Variants in CYTH1 observed in about 807,000 individuals in gnomAD.
The protein encoded by CYTH1 is cytohesin-1.
In CYTH1, 18 loss-of-function variants were observed where a neutral mutation model predicts 61.8. That is an observed-to-expected ratio of 0.29 (90% CI 0.20 to 0.43). The LOEUF (loss-of-function observed/expected upper bound fraction) is 0.43, where lower values mean the gene tolerates loss of function less well. Among genes scored for constraint, CYTH1 ranks in the 20% least tolerant of loss-of-function variants. The pLI is 1.00. For synonymous variants in CYTH1, 174 were observed against 184.3 expected (o/e 0.94, Z 0.45); for missense variants, 336 against 510.5 (o/e 0.66, Z 3.29).
intron 1 of CYTH1, among the ~76,000 whole-genome samples, chr17:78,780,878 G>A (rs1471622158): frequency 6.6e-6 from 1 of 151,974 alleles, no homozygotes. Flanking sequence ...GTGGTGGCAC[G>A]CGCCTGTAGT....
At chr17:78,770,075 G>A (rs2093464430) in intron 1 of CYTH1, among the ~76,000 whole-genome samples, 1 of 151,952 alleles carries the variant, frequency 6.6e-6, no homozygotes, top group South Asian at 2.1e-4. Flanking sequence ...ACCTAAGCCA[G>A]GGAGTCAGAG....
intron 1 of CYTH1, among the ~76,000 whole-genome samples, chr17:78,770,109 C>T (rs2093464639): frequency 6.6e-6 from 1 of 151,128 alleles, no homozygotes; most frequent in Admixed American, 6.6e-5. Flanking sequence ...GAGATCGCAC[C>T]ACTGCACTCC....
Position 78,751,473 on chromosome 17 carries a change from A to C in CYTH1, c.22+30729T>G, listed in dbSNP as rs569958321. On this transcript the variant is annotated intron_variant, in intron 1 of 13. Coordinates refer to ENST00000446868, the MANE Select transcript of CYTH1 (RefSeq NM_004762.6). The stretch of plus-strand genomic sequence containing the variant: ...AAGTCACCAGCAAAGGCACAAAAAT[A>C]CAAAAAAAAAAAAATGTAATGCTAA... Among the ~76,000 whole-genome samples, 452 of 108,422 alleles carry C rather than the reference A, an allele frequency of 4.2e-3. 2 individuals carry two copies. Among genetic ancestry groups the C allele is most frequent in the Middle Eastern group, 0.018 (4 of 226 alleles). 71.1% of individuals were successfully genotyped at this position (108,422 alleles called of 152,430 possible).
intron 11 of CYTH1, among the ~76,000 whole-genome samples, chr17:78,684,652 T>G (rs1380142720): frequency 6.6e-6 from 1 of 152,206 alleles, no homozygotes; most frequent in African/African-American, 2.4e-5. Flanking sequence ...ACTCCTAAAT[T>G]ATCATTGCTG....
chr17:78,729,866 G>A (rs778569001), intron 1 of CYTH1, among the ~76,000 whole-genome samples: 6 of 152,172 alleles, frequency 3.9e-5, no homozygotes, highest in Non-Finnish European at 5.9e-5. Flanking sequence ...ACTGCTAGCA[G>A]GAATCACCTT....
chr17:78,694,722 G>A (rs1054926773), intron 10 of CYTH1, among the ~76,000 whole-genome samples: 3 of 152,094 alleles, frequency 2.0e-5, no homozygotes, highest in Non-Finnish European at 4.4e-5. Flanking sequence ...TGGAAAAAGC[G>A]AGTCAGATGC....
At chr17:78,764,922 G>A (rs1311080622) in intron 1 of CYTH1, among the ~76,000 whole-genome samples, 1 of 151,994 alleles carries the variant, frequency 6.6e-6, no homozygotes, top group African/African-American at 2.4e-5. Flanking sequence ...TAGGTTCCCG[G>A]GGGATGAGCA....
At chr17:78,705,477 C>T (rs940551651) in intron 3 of CYTH1, among the ~76,000 whole-genome samples, 1 of 152,128 alleles carries the variant, frequency 6.6e-6, no homozygotes, top group Non-Finnish European at 1.5e-5. Context: ...AGTTAACTGA[C>T]GCGTATACAT....
chr17:78,716,340 A>T (rs1302929647), intron 1 of CYTH1, among the ~76,000 whole-genome samples: 1 of 152,232 alleles, frequency 6.6e-6, no homozygotes, highest in South Asian at 2.1e-4. Flanking sequence ...ATGTACTATG[A>T]CAATTTGAAA....
chr17:78,712,149 G>A, intron 1 of CYTH1, among the ~76,000 whole-genome samples: 1 of 78,268 alleles, frequency 1.3e-5, no homozygotes, highest in Non-Finnish European at 2.7e-5. Flanking sequence ...AGGGAAGGAG[G>A]AAGGAAGGGA....
intron 11 of CYTH1, among the ~76,000 whole-genome samples, chr17:78,691,065 GCTTT>G (rs772241024): frequency 1.4e-4 from 21 of 152,202 alleles, no homozygotes; most frequent in Non-Finnish European, 2.4e-4. Flanking sequence ...GCAGAAAGCA[GCTTT>G]CTTTTTATTA....
At chr17:78,725,175 A>G (rs1456358170) in intron 1 of CYTH1, among the ~76,000 whole-genome samples, 1 of 151,990 alleles carries the variant, frequency 6.6e-6, no homozygotes, top group African/African-American at 2.4e-5. Context: ...TCTTGTTCAG[A>G]AGCTCATCCT....
chr17:78,777,639 A>C (rs1024070012), intron 1 of CYTH1, among the ~76,000 whole-genome samples: 2 of 151,970 alleles, frequency 1.3e-5, no homozygotes, highest in Admixed American at 6.6e-5. Context: ...CTATGTTCCA[A>C]AAGTTTTTTA....
chr17:78,731,479 G>T (rs566138159), intron 1 of CYTH1, among the ~76,000 whole-genome samples: 51 of 152,238 alleles, frequency 3.4e-4, no homozygotes, highest in African/African-American at 1.1e-3. Context: ...AGGAAATCTC[G>T]TCGGGCGCGG....
At chr17:78,692,294 C>T in intron 11 of CYTH1, 123 bp downstream of exon 11, 2 of 983,704 alleles carry the variant, frequency 2.0e-6, no homozygotes, top group Non-Finnish European at 3.2e-6. Flanking sequence ...TTAAACTCTC[C>T]CCCATCCCCC....
At chr17:78,744,637 C>G (rs1175255932) in intron 1 of CYTH1, among the ~76,000 whole-genome samples, 1 of 151,894 alleles carries the variant, frequency 6.6e-6, no homozygotes, top group Non-Finnish European at 1.5e-5. Context: ...TCTATTAGAC[C>G]TTGGGGGAAA....
chr17:78,739,514 T>C (rs1272638561), intron 1 of CYTH1, among the ~76,000 whole-genome samples: 2 of 151,858 alleles, frequency 1.3e-5, no homozygotes, highest in Admixed American at 6.6e-5. Context: ...GGAAGAACAG[T>C]GTAGGGAGGA....
chr17:78,718,301 A>C lies in CYTH1; in HGVS notation c.23-8569T>G, dbSNP rs914238094. Among the ~76,000 whole-genome samples the C allele has an allele frequency of 4.0e-5, 6 of 151,638 alleles. No homozygotes were observed. In the East Asian group the frequency reaches 5.8e-4, roughly 15 times the overall value. ...CTCTCTTAACCTTAAGCTCTGCCTA[A>C]AACAGCAGTGGCAGTAATGAAATAA... is the stretch of plus-strand genomic sequence containing the variant. On this transcript the variant is annotated intron_variant, in intron 1 of 13. Transcript: ENST00000446868.
intron 1 of CYTH1, among the ~76,000 whole-genome samples, chr17:78,721,351 T>C (rs1598880903): frequency 6.6e-6 from 1 of 151,878 alleles, no homozygotes; most frequent in East Asian, 1.9e-4. Flanking sequence ...ATAAAAAAAT[T>C]TACACACACT....
Sources: gnomAD v4.1 joint callset for allele counts (sites outside exome capture counted in the v4.1 genomes callset) on GRCh38, gnomAD v4.1.1 for gene constraint, MANE v1.5 for transcripts, NCBI Gene and HGNC (gene_info 2026-07-23, HGNC 2026-07-21) for gene names.